Variants in RGS6 observed in about 807,000 individuals in gnomAD.
RGS6 encodes the protein regulator of G protein signaling 6.
RGS6 carries 30 observed loss-of-function variants against 78.5 expected under a neutral mutation model. The observed-to-expected ratio is 0.38, with a 90% CI of 0.29 to 0.52. RGS6 has a LOEUF of 0.52. Ranked by LOEUF, RGS6 falls within the 20% of genes least tolerant of loss-of-function variation. RGS6 has a pLI of 0.85. For synonymous variants in RGS6, 206 were observed against 206.0 expected (o/e 1.00, Z 0.00); for missense variants, 495 against 609.7 (o/e 0.81, Z 1.98).
rs2088021610 is a variant in RGS6, at chr14:71,932,687, C to T, written c.-275C>T. 6.6e-6 allele frequency: 1 copy of T among 152,232 alleles called. No individual in the cohort carries two copies. Among genetic ancestry groups the T allele is most frequent in the African/African-American group, 2.4e-5 (1 of 41,470 alleles). 9.4% of individuals were successfully genotyped at this position (152,232 alleles called of 1,614,324 possible). A position where few individuals can be genotyped will look rare whatever the true frequency, so the allele number is the denominator to read the frequency against. On this transcript the variant is annotated 5_prime_UTR_variant, in exon 1 of 18. Coordinates refer to ENST00000553525, the MANE Select transcript of RGS6 (RefSeq NM_001204424.2). The stretch of plus-strand genomic sequence containing the variant: ...AGTCCCGGCACCATGCGACCCGCCG[C>T]GCGTCCTCGCGGGCCCGGGGCTTCG...
intron 2 of RGS6, among the ~76,000 whole-genome samples, chr14:71,987,405 C>T (rs1198265562): frequency 2.0e-5 from 3 of 152,028 alleles, no homozygotes; most frequent in Non-Finnish European, 2.9e-5. Flanking sequence ...ACAAACAAGC[C>T]CATGCCATCG....
At chr14:72,584,111 TC>T in the RGS6 span, among the ~76,000 whole-genome samples, 1 of 152,278 alleles carries the variant, frequency 6.6e-6, no homozygotes, top group East Asian at 1.9e-4. Context: ...AGCCAGAAAC[TC>T]AGAGACAGGA....
intron 2 of RGS6, among the ~76,000 whole-genome samples, chr14:72,052,897 A>T (rs2093336273): frequency 6.7e-6 from 1 of 150,004 alleles, no homozygotes. Context: ...TGTCCAGGAC[A>T]GTGCACATGT....
chr14:72,446,739 C>T (rs1174168863), intron 3 of RGS6, among the ~76,000 whole-genome samples: 1 of 152,174 alleles, frequency 6.6e-6, no homozygotes, highest in African/African-American at 2.4e-5. Flanking sequence ...TAGACAGTCG[C>T]ACCTGGGGGG....
chr14:72,074,478 A>G lies in RGS6; in HGVS notation c.84+109603A>G, dbSNP rs553102107. Among the ~76,000 whole-genome samples the G allele has an allele frequency of 2.0e-5, 3 of 151,836 alleles. No individual in the cohort carries two copies. In the South Asian group the frequency reaches 6.2e-4, roughly 31 times the overall value. On this transcript the variant is annotated intron_variant, in intron 2 of 17. Transcript: ENST00000553525. ...CTCCCAAAATGTTGGGATTACAGAC[A>G]TGAGCCACCATGCCTGGCCAATTGA...
At chr14:72,382,304 G>A (rs1203669082) in intron 3 of RGS6, among the ~76,000 whole-genome samples, 1 of 152,078 alleles carries the variant, frequency 6.6e-6, no homozygotes, top group East Asian at 1.9e-4. Flanking sequence ...ACATTTCATA[G>A]AAGAGAAAAT....
At chr14:72,269,674 C>T (rs943656406) in intron 2 of RGS6, among the ~76,000 whole-genome samples, 3 of 148,888 alleles carry the variant, frequency 2.0e-5, no homozygotes, top group Admixed American at 6.8e-5. Context: ...AAGGGATTCT[C>T]CTGCCTCAGC....
At chr14:72,316,848 A>G (rs2070395131) in intron 2 of RGS6, among the ~76,000 whole-genome samples, 1 of 151,740 alleles carries the variant, frequency 6.6e-6, no homozygotes, top group South Asian at 2.1e-4. Context: ...TCTGGTAGCT[A>G]CTAGCTTATA....
chr14:72,126,028 A>C (rs1258109067), intron 2 of RGS6, among the ~76,000 whole-genome samples: 3 of 152,202 alleles, frequency 2.0e-5, no homozygotes, highest in Non-Finnish European at 4.4e-5. Context: ...TAAGCAACTA[A>C]AAGCAAGTGA....
At chr14:71,971,875 T>G (rs1018885276) in intron 2 of RGS6, among the ~76,000 whole-genome samples, 4 of 149,144 alleles carry the variant, frequency 2.7e-5, no homozygotes, top group African/African-American at 9.9e-5. Flanking sequence ...ATGACACGTG[T>G]CTCTCCATAT....
chr14:72,149,384 C>T lies in RGS6; in HGVS notation c.84+184509C>T, dbSNP rs186410990. The stretch of plus-strand genomic sequence containing the variant: ...GGGGGAGTGTTGAAGAATTTGACAA[C>T]ATGTTTTAAAACCACCACATGGCGG... On this transcript the variant is annotated intron_variant, in intron 2 of 17. Coordinates refer to ENST00000553525, the MANE Select transcript of RGS6 (RefSeq NM_001204424.2). 1.1e-3 allele frequency among the ~76,000 whole-genome samples: 174 copies of T among 152,226 alleles called. 3 individuals carry two copies. In the South Asian group the frequency reaches 0.02, roughly 18 times the overall value.
intron 3 of RGS6, among the ~76,000 whole-genome samples, chr14:72,433,692 C>T (rs935129309): frequency 1.3e-5 from 2 of 152,072 alleles, no homozygotes; most frequent in African/African-American, 4.8e-5. Flanking sequence ...GCCCTCCTTC[C>T]GAGTGTACAA....
chr14:72,364,471 A>T (rs1452631197), intron 3 of RGS6, among the ~76,000 whole-genome samples: 1 of 152,150 alleles, frequency 6.6e-6, no homozygotes, highest in Non-Finnish European at 1.5e-5. Flanking sequence ...CCTCCATCAG[A>T]CTTTCTAGCC....
chr14:72,625,118 A>G, the RGS6 span, among the ~76,000 whole-genome samples: 1 of 152,184 alleles, frequency 6.6e-6, no homozygotes, highest in Non-Finnish European at 1.5e-5. Context: ...CCTACTTCTC[A>G]TCATACTTTT....
the RGS6 span, among the ~76,000 whole-genome samples, chr14:71,891,290 C>T: frequency 6.8e-4 from 103 of 152,320 alleles, no homozygotes; most frequent in Non-Finnish European, 1.4e-3. Context: ...GTGCCTCTCC[C>T]TTAGTTGCCG....
At chr14:72,185,444 A>G (rs1224875657) in intron 2 of RGS6, among the ~76,000 whole-genome samples, 1 of 152,202 alleles carries the variant, frequency 6.6e-6, no homozygotes, top group Admixed American at 6.5e-5. Context: ...AAATACCCTC[A>G]TAGAAAACTC....
chr14:72,112,056 G>A (rs975605972), intron 2 of RGS6, among the ~76,000 whole-genome samples: 3 of 152,168 alleles, frequency 2.0e-5, no homozygotes, highest in Non-Finnish European at 4.4e-5. Flanking sequence ...GGAGCTCTGG[G>A]TCTTAGAGCA....
rs540968789 is a variant in RGS6 at position 72,531,702 on chromosome 14, A to G, written c.1279-4484A>G. Among the ~76,000 whole-genome samples, 54 of 152,254 alleles carry G rather than the reference A, an allele frequency of 3.5e-4. 1 individual carries two copies. The highest frequency in any genetic ancestry group is 1.3e-3 in the African/African-American group (52 of 41,550). On this transcript the variant is annotated intron_variant, in intron 15 of 17. Transcript: ENST00000553525. ...TGAGATGTAAAAGTTGTATGTATTT[A>G]TGGTATATAGCATGCAATTTTGATA... is the stretch of plus-strand genomic sequence containing the variant.
chr14:72,507,552 C>A (rs933170148), intron 13 of RGS6, among the ~76,000 whole-genome samples: 1 of 152,222 alleles, frequency 6.6e-6, no homozygotes, highest in African/African-American at 2.4e-5. Context: ...CACCTTCTGT[C>A]CTAAGCATCC....
Sources: gnomAD v4.1 joint callset for allele counts (sites outside exome capture counted in the v4.1 genomes callset) on GRCh38, gnomAD v4.1.1 for gene constraint, MANE v1.5 for transcripts, NCBI Gene and HGNC (gene_info 2026-07-23, HGNC 2026-07-21) for gene names.